TVP23C: variants seen among roughly 807,000 people sequenced by gnomAD.
The protein encoded by TVP23C is Golgi apparatus membrane protein TVP23 homolog C.
In TVP23C, 19 loss-of-function variants were observed where a neutral mutation model predicts 28.7. That is an observed-to-expected ratio of 0.66 (90% CI 0.46 to 0.97). The LOEUF (loss-of-function observed/expected upper bound fraction) is 0.97, where lower values mean the gene tolerates loss of function less well. Among genes scored for constraint, TVP23C ranks in the 50% least tolerant of loss-of-function variants. The probability of loss-of-function intolerance (pLI) is 0.00; values close to 1 mark genes in which losing one functional copy is unlikely to be tolerated. For missense variants in TVP23C, 186 were observed against 241.3 expected (o/e 0.77, Z 1.52); for synonymous variants, 68 against 81.7 (o/e 0.83, Z 0.90).
At chr17:15,553,918 A>T in intron 2 of TVP23C, 89 bp from the exon 3 acceptor site, 4 of 1,584,418 alleles carry the variant, frequency 2.5e-6, no homozygotes, top group East Asian at 4.5e-5. Flanking sequence ...GCCATCGTGT[A>T]ACTGTGAAGA....
intron 3 of TVP23C, among the ~76,000 whole-genome samples, chr17:15,550,561 GGTTT>G (rs1306194306): frequency 6.6e-6 from 1 of 151,996 alleles, no homozygotes; most frequent in Non-Finnish European, 1.5e-5. Flanking sequence ...TTGGCACTTT[GGTTT>G]GTTTAAGATA....
At chr17:15,531,158 G>C (rs1982936355) in intron 5 of TVP23C, 1 of 152,180 alleles carries the variant, frequency 6.6e-6, no homozygotes, top group Non-Finnish European at 1.5e-5. Context: ...AGTTTCTGAT[G>C]AGTGGTAGGC....
Position 15,539,496 on chromosome 17 carries a change from G to A in TVP23C, c.*916C>T, listed in dbSNP as rs1234827103. On this transcript the variant is annotated 3_prime_UTR_variant, in exon 6 of 6. Transcript: ENST00000518321. ...GCGGCGCCTGTAGTCCCAGCTACTCGGGAGGCTGATGCAGGAGAATGGCGT... is the reference window on the plus strand; with the variant it reads ...GCGGCGCCTGTAGTCCCAGCTACTCAGGAGGCTGATGCAGGAGAATGGCGT... The A allele has an allele frequency of 6.2e-6, 3 of 480,016 alleles. 1 individual carries two copies. Among genetic ancestry groups the A allele is most frequent in the South Asian group, 1.8e-4 (2 of 11,090 alleles). The allele number at this position is 480,016 out of a possible 1,614,324, so 29.7% of individuals were successfully genotyped here. A position where few individuals can be genotyped will look rare whatever the true frequency, so the allele number is the denominator to read the frequency against.
At chr17:15,519,943 C>A (rs542300017) in intron 5 of TVP23C, among the ~76,000 whole-genome samples, 1 of 152,272 alleles carries the variant, frequency 6.6e-6, no homozygotes, top group Admixed American at 6.5e-5. Context: ...TTAACAGCTG[C>A]CTTTTATGGA....
At chr17:15,512,618 T>C (rs766584389) in intron 5 of TVP23C, among the ~76,000 whole-genome samples, 2 of 152,230 alleles carry the variant, frequency 1.3e-5, no homozygotes, top group African/African-American at 2.4e-5. Flanking sequence ...CTAGAAGCCA[T>C]GCTCTCTGCT....
intron 5 of TVP23C, among the ~76,000 whole-genome samples, chr17:15,510,937 C>T (rs532671416): frequency 2.0e-5 from 3 of 151,490 alleles, no homozygotes; most frequent in Admixed American, 1.3e-4. Flanking sequence ...GCCTGTAATA[C>T]CAGCTACTCA....
In TVP23C at chr17:15,539,574, G is replaced by T. The variant is rs1983317111; in HGVS notation, c.*838C>A. 26 of 921,252 alleles carry T rather than the reference G, an allele frequency of 2.8e-5. No individual in the cohort carries two copies. Among genetic ancestry groups the T allele is most frequent in the Non-Finnish European group, 3.2e-5 (25 of 773,562 alleles). The allele number at this position is 921,252 out of a possible 1,614,324, so 57.1% of individuals were successfully genotyped here. On this transcript the variant is annotated 3_prime_UTR_variant, in exon 6 of 6. Transcript: ENST00000518321. ...GCCGAGATCACGCCACTGCACTCCA[G>T]CCTGGGCGACAGAGCAAGACTCCAT...
At chr17:15,506,271 C>T (rs897541609) in intron 5 of TVP23C, among the ~76,000 whole-genome samples, 1 of 152,178 alleles carries the variant, frequency 6.6e-6, no homozygotes, top group Admixed American at 6.5e-5. Flanking sequence ...CTGTATCTAG[C>T]TGCTCTGGTG....
chr17:15,514,922 T>G (rs1982156752), intron 5 of TVP23C, among the ~76,000 whole-genome samples: 1 of 152,108 alleles, frequency 6.6e-6, no homozygotes, highest in African/African-American at 2.4e-5. Context: ...GCAAACACCA[T>G]GAGTGTGCCA....
chr17:15,531,667 T>A (rs1054336829), intron 5 of TVP23C, among the ~76,000 whole-genome samples: 3 of 152,218 alleles, frequency 2.0e-5, no homozygotes, highest in Non-Finnish European at 4.4e-5. Context: ...TTTCTCCTGT[T>A]CTTTGTCCAC....
rs374284414 is a variant in TVP23C, at chr17:15,561,630, G to GAATAAATA, written c.12+1799_12+1806dup. Among the ~76,000 whole-genome samples, 219 of 131,642 alleles carry GAATAAATA rather than the reference G, an allele frequency of 1.7e-3. 1 individual carries two copies. The highest frequency in any genetic ancestry group is 0.012 in the South Asian group (45 of 3,706). 86.4% of individuals were successfully genotyped at this position (131,642 alleles called of 152,430 possible). A position where few individuals can be genotyped will look rare whatever the true frequency, so the allele number is the denominator to read the frequency against. ...TGAATGAATGAATGAATGAATGAAT[G>GAATAAATA]AATAAATAAATAAATAAATAAATAA... is the stretch of plus-strand genomic sequence containing the variant. On this transcript the variant is annotated intron_variant, in intron 1 of 5. Coordinates refer to ENST00000518321, the MANE Select transcript of TVP23C (RefSeq NM_001135036.2).
chr17:15,528,661 C>T lies in TVP23C; in HGVS notation c.462+17124G>A, dbSNP rs539724922. Among the ~76,000 whole-genome samples the T allele has an allele frequency of 4.2e-4, 63 of 151,476 alleles. No homozygotes were observed. The Middle Eastern group carries it at 0.024, about 57-fold the overall frequency. The stretch of plus-strand genomic sequence containing the variant: ...TCATTTGTCACCCAGGCTGGAGTGC[C>T]GTGGCGTGATCTTGGCTCACCGAAG... On this transcript the variant is annotated intron_variant, in intron 5 of 5. Transcript: ENST00000225576.
chr17:15,538,077 A>C lies in TVP23C; in HGVS notation c.*2335T>G. The C allele has an allele frequency of 3.7e-6, 6 of 1,609,778 alleles. No individual in the cohort carries two copies. Among genetic ancestry groups the C allele is most frequent in the Non-Finnish European group, 4.2e-6 (5 of 1,178,506 alleles). On this transcript the variant is annotated 3_prime_UTR_variant, in exon 6 of 6. Transcript: ENST00000518321. ...CTAAGCTCTAAAAGGTTGAGTCAAG[A>C]ATCTCTTCAGTTGTTCCCCAATGTA...
chr17:15,557,811 A>G lies in TVP23C; in HGVS notation c.13-2447T>C, dbSNP rs1302189195. 1.4e-5 allele frequency among the ~76,000 whole-genome samples: 2 copies of G among 140,066 alleles called. 1 individual carries two copies. The allele number at this position is 140,066 out of a possible 152,430, so 91.9% of individuals were successfully genotyped here. A position where few individuals can be genotyped will look rare whatever the true frequency, so the allele number is the denominator to read the frequency against. The stretch of plus-strand genomic sequence containing the variant: ...GCACTGGAGAAGCTTTCTGGAGGAG[A>G]GTTTGTCAGCTGGGCCCTGACAGTC... On this transcript the variant is annotated intron_variant, in intron 1 of 5. Coordinates refer to ENST00000518321, the MANE Select transcript of TVP23C (RefSeq NM_001135036.2).
chr17:15,503,209 C>T, exon 6 of TVP23C: 1 of 1,550,158 alleles, frequency 6.5e-7, no homozygotes, highest in Non-Finnish European at 8.7e-7. Flanking sequence ...TCAGACCAGT[C>T]TGGGCAATGT....
chr17:15,539,657 T>C lies in TVP23C; in HGVS notation c.*755A>G, dbSNP rs561163995. ...TTTTCCCAAGAGATTTAACCAATAA[T>C]TATTTACCTATGACTACTACTCATC... On this transcript the variant is annotated 3_prime_UTR_variant, in exon 6 of 6. Coordinates refer to ENST00000518321, the MANE Select transcript of TVP23C (RefSeq NM_001135036.2). 5 of 984,562 alleles carry C rather than the reference T, an allele frequency of 5.1e-6. 1 individual carries two copies. In the Admixed American group the frequency reaches 3.1e-4, roughly 61 times the overall value. 61.0% of individuals were successfully genotyped at this position (984,562 alleles called of 1,614,324 possible). A position where few individuals can be genotyped will look rare whatever the true frequency, so the allele number is the denominator to read the frequency against.
chr17:15,525,293 T>C (rs951367591), intron 5 of TVP23C, among the ~76,000 whole-genome samples: 4 of 152,254 alleles, frequency 2.6e-5, no homozygotes, highest in African/African-American at 4.8e-5. Flanking sequence ...CCTGCTGTCA[T>C]AGCGTTTACA....
exon 6 of TVP23C, chr17:15,502,917 T>G: frequency 6.2e-7 from 1 of 1,610,030 alleles, no homozygotes; most frequent in Non-Finnish European, 8.5e-7. Flanking sequence ...CCAGTTCCTC[T>G]GCTATTGGGA....
At chr17:15,549,843 C>T (rs908888684) in intron 3 of TVP23C, among the ~76,000 whole-genome samples, 1 of 151,788 alleles carries the variant, frequency 6.6e-6, no homozygotes, top group Non-Finnish European at 1.5e-5. Context: ...GCACAGACAG[C>T]ACTCCTTAGG....
Sources: gnomAD v4.1 joint callset for allele counts (sites outside exome capture counted in the v4.1 genomes callset) on GRCh38, gnomAD v4.1.1 for gene constraint, MANE v1.5 for transcripts, NCBI Gene and HGNC (gene_info 2026-07-23, HGNC 2026-07-21) for gene names.